Variants in MAGI1 observed in about 807,000 individuals in gnomAD.
MAGI1 encodes the protein membrane associated guanylate kinase, WW and PDZ domain containing 1, also known as membrane-associated guanylate kinase, WW and PDZ domain-containing protein 1.
In MAGI1, 58 loss-of-function variants were observed where a neutral mutation model predicts 139.9. The ratio of observed to expected loss-of-function variants is 0.41; its 90% confidence interval spans 0.34 to 0.52. The LOEUF is 0.52. Among genes scored for constraint, MAGI1 ranks in the 20% least tolerant of loss-of-function variants. The probability of loss-of-function intolerance (pLI) is 0.12; values close to 1 mark genes in which losing one functional copy is unlikely to be tolerated. For missense variants in MAGI1, 1,874 were observed against 1,901.6 expected (o/e 0.99, Z 0.27); for synonymous variants, 812 against 737.9 (o/e 1.10, Z -1.63).
At chr3:65,584,086 G>GAAAAAAAAA (rs542674034) in intron 2 of MAGI1, among the ~76,000 whole-genome samples, 2 of 95,874 alleles carry the variant, frequency 2.1e-5, no homozygotes. Context: ...ATCTACTCTT[G>GAAAAAAAAA]AAAAAAAAAA....
chr3:65,501,956 A>T (rs1264199811), intron 2 of MAGI1, among the ~76,000 whole-genome samples: 1 of 152,198 alleles, frequency 6.6e-6, no homozygotes, highest in African/African-American at 2.4e-5. Flanking sequence ...TACACACTGT[A>T]TGATTACTCC....
At chr3:65,784,800 G>A (rs2039250817) in intron 1 of MAGI1, among the ~76,000 whole-genome samples, 1 of 152,194 alleles carries the variant, frequency 6.6e-6, no homozygotes, top group African/African-American at 2.4e-5. Context: ...ATGAAGCACT[G>A]ATGCATGCTA....
rs147213796 is a variant in MAGI1 at position 66,022,378 on chromosome 3, G to A, written c.313+15618C>T. Among the ~76,000 whole-genome samples, 790 of 152,184 alleles carry A rather than the reference G, an allele frequency of 5.2e-3. 8 individuals carry two copies. The highest frequency in any genetic ancestry group is 0.018 in the African/African-American group (730 of 41,518). Reference sequence around the variant, plus strand: ...CCTTTGCTGGGCATCCTATTTTCCCGATTTTTCTCTTATAAATAATGACAC... The same window carrying A: ...CCTTTGCTGGGCATCCTATTTTCCCAATTTTTCTCTTATAAATAATGACAC... On this transcript the variant is annotated intron_variant, in intron 1 of 22. Coordinates refer to ENST00000402939, the MANE Select transcript of MAGI1 (RefSeq NM_001033057.2).
intron 8 of MAGI1, among the ~76,000 whole-genome samples, chr3:65,440,507 TAA>T (rs1296281061): frequency 6.6e-6 from 1 of 152,224 alleles, no homozygotes; most frequent in Middle Eastern, 3.4e-3. Context: ...GACATAAGAT[TAA>T]AGTGGCTATG....
intron 1 of MAGI1, among the ~76,000 whole-genome samples, chr3:65,936,969 GTGA>G (rs2063092289): frequency 6.6e-6 from 1 of 151,270 alleles, no homozygotes; most frequent in Non-Finnish European, 1.5e-5. Context: ...GGTGGTGGTG[GTGA>G]TGGTGGTGGT....
At chr3:65,669,925 T>C (rs1224969804) in intron 1 of MAGI1, among the ~76,000 whole-genome samples, 1 of 152,224 alleles carries the variant, frequency 6.6e-6, no homozygotes, top group African/African-American at 2.4e-5. Context: ...TGCAAATTGA[T>C]GTGGATGGTC....
At chr3:65,766,777 T>C (rs913913938) in intron 1 of MAGI1, among the ~76,000 whole-genome samples, 7 of 151,972 alleles carry the variant, frequency 4.6e-5, no homozygotes, top group Non-Finnish European at 7.4e-5. Context: ...TAATCTCAGC[T>C]ACTCAGGAGG....
At chr3:65,760,738 C>T (rs1213786814) in intron 1 of MAGI1, among the ~76,000 whole-genome samples, 9 of 152,002 alleles carry the variant, frequency 5.9e-5, no homozygotes, top group Non-Finnish European at 8.8e-5. Flanking sequence ...ATGGTCAGGC[C>T]GCAAAGCCTC....
intron 1 of MAGI1, among the ~76,000 whole-genome samples, chr3:65,920,857 CG>C (rs1180033360): frequency 6.6e-6 from 1 of 151,994 alleles, no homozygotes; most frequent in African/African-American, 2.4e-5. Flanking sequence ...GGTGAAACTC[CG>C]TCTCTACTAA....
intron 1 of MAGI1, among the ~76,000 whole-genome samples, chr3:65,988,597 C>G (rs1029177121): frequency 5.9e-5 from 9 of 152,178 alleles, no homozygotes; most frequent in African/African-American, 2.2e-4. Flanking sequence ...AGTCTAACCT[C>G]TAGAAACCAT....
At chr3:65,918,621 C>T (rs540859869) in intron 1 of MAGI1, among the ~76,000 whole-genome samples, 17 of 152,148 alleles carry the variant, frequency 1.1e-4, no homozygotes, top group Admixed American at 3.3e-4. Flanking sequence ...CCTCATGATC[C>T]GCCTGCCTTG....
rs369392089 is a variant in MAGI1 at position 65,786,883 on chromosome 3, G to A, written c.314-164795C>T. On this transcript the variant is annotated intron_variant, in intron 1 of 22. Coordinates refer to ENST00000402939, the MANE Select transcript of MAGI1 (RefSeq NM_001033057.2). ...GCCCGCCTCGGCCTCCCAAAGTACTGGGATTACAGGTGTGAGCCACCGCGC... is the reference window on the plus strand; with the variant it reads ...GCCCGCCTCGGCCTCCCAAAGTACTAGGATTACAGGTGTGAGCCACCGCGC... Among the ~76,000 whole-genome samples the A allele has an allele frequency of 3.9e-5, 6 of 152,192 alleles. No individual in the cohort carries two copies. The East Asian group carries it at 5.8e-4, about 15-fold the overall frequency.
intron 1 of MAGI1, among the ~76,000 whole-genome samples, chr3:65,928,216 C>G (rs1042204316): frequency 6.6e-6 from 1 of 152,160 alleles, no homozygotes. Flanking sequence ...TGCAACTCCT[C>G]CCAATACTAG....
Position 65,859,497 on chromosome 3 carries a change from G to A in MAGI1, c.313+178499C>T, listed in dbSNP as rs986134796. Among the ~76,000 whole-genome samples, 56 of 152,126 alleles carry A rather than the reference G, an allele frequency of 3.7e-4. 1 individual carries two copies. Among genetic ancestry groups the A allele is most frequent in the Non-Finnish European group, 6.8e-4 (46 of 68,018 alleles). On this transcript the variant is annotated intron_variant, in intron 1 of 22. Coordinates refer to ENST00000402939, the MANE Select transcript of MAGI1 (RefSeq NM_001033057.2). ...TAATCCCAGCGCTTTAGGAAGCTGAGGTGGGTGGATCACCTGAGGCCAGGA... is the reference window on the plus strand; with the variant it reads ...TAATCCCAGCGCTTTAGGAAGCTGAAGTGGGTGGATCACCTGAGGCCAGGA...
intron 1 of MAGI1, among the ~76,000 whole-genome samples, chr3:65,881,844 T>C (rs2060342030): frequency 6.6e-6 from 1 of 152,102 alleles, no homozygotes; most frequent in Admixed American, 6.5e-5. Context: ...ATTCCTTTCT[T>C]CATCTAAGTA....
At chr3:65,503,324 A>G (rs1318814914) in intron 2 of MAGI1, among the ~76,000 whole-genome samples, 1 of 152,214 alleles carries the variant, frequency 6.6e-6, no homozygotes, top group Non-Finnish European at 1.5e-5. Flanking sequence ...TTAACACTTT[A>G]TATGTGGTAA....
At chr3:65,811,884 A>G (rs902587774) in intron 1 of MAGI1, among the ~76,000 whole-genome samples, 3 of 152,020 alleles carry the variant, frequency 2.0e-5, no homozygotes, top group Non-Finnish European at 2.9e-5. Context: ...AATAACATGT[A>G]TAATCTAATT....
intron 1 of MAGI1, among the ~76,000 whole-genome samples, chr3:65,968,718 T>C (rs2064878243): frequency 6.6e-6 from 1 of 152,090 alleles, no homozygotes; most frequent in African/African-American, 2.4e-5. Context: ...TAGAGACTTT[T>C]CACTCTATAC....
intron 4 of MAGI1, among the ~76,000 whole-genome samples, chr3:65,477,004 C>T (rs1253233614): frequency 6.6e-6 from 1 of 152,158 alleles, no homozygotes; most frequent in East Asian, 1.9e-4. Flanking sequence ...CAAATTCATA[C>T]AGCTAAAAGG....
Sources: allele counts gnomAD v4.1 joint callset (sites outside exome capture counted in the v4.1 genomes callset), GRCh38; gene constraint gnomAD v4.1.1; transcripts MANE v1.5; gene names NCBI Gene and HGNC (gene_info 2026-07-23, HGNC 2026-07-21).